The following SMAD2 variants were observed in gnomAD, a reference collection of about 807,000 sequenced individuals.
SMAD2 encodes MAD homolog 2.
SMAD2 carries 8 observed loss-of-function variants against 64.4 expected under a neutral mutation model. That is an observed-to-expected ratio of 0.12 (90% confidence interval 0.07 to 0.22). The LOEUF (loss-of-function observed/expected upper bound fraction) is 0.22. Ranked by LOEUF, SMAD2 falls within the 10% of genes least tolerant of loss-of-function variation. SMAD2 has a pLI of 1.00. For synonymous variants in SMAD2, 203 were observed against 195.8 expected (o/e 1.04, Z -0.31); for missense variants, 289 against 561.2 (o/e 0.51, Z 4.90).
chr18:47,812,148 G>A lies in SMAD2; in HGVS notation c.*29679C>T, dbSNP rs1259993979. 1 of 152,136 alleles carries A rather than the reference G, an allele frequency of 6.6e-6. No homozygotes were observed. Among genetic ancestry groups the A allele is most frequent in the African/African-American group, 2.4e-5 (1 of 41,420 alleles). The allele number at this position is 152,136 out of a possible 1,614,324, so 9.4% of individuals were successfully genotyped here. ...TCCCATAATTCCCCATATTATGTGA[G>A]GGACCCAGTGAGAGGTAACTGAATC... On this transcript the variant is annotated 3_prime_UTR_variant, in exon 11 of 11. Coordinates refer to ENST00000262160, the MANE Select transcript of SMAD2 (RefSeq NM_005901.6).
At position 47,826,681 on chromosome 18, in the gene SMAD2, T is replaced by C. The variant is rs1166777287; in HGVS notation, c.*15146A>G. 6.6e-6 allele frequency: 1 copy of C among 152,246 alleles called. No individual in the cohort carries two copies. Among genetic ancestry groups the C allele is most frequent in the East Asian group, 1.9e-4 (1 of 5,204 alleles). 9.4% of individuals were successfully genotyped at this position (152,246 alleles called of 1,614,324 possible). A position where few individuals can be genotyped will look rare whatever the true frequency, so the allele number is the denominator to read the frequency against. ...GTTTATTGCTGCACACCACTGGGTT[T>C]TTGTGGTTGCTACGAGTTACTTTTG... On this transcript the variant is annotated 3_prime_UTR_variant, in exon 11 of 11. Transcript: ENST00000262160.
At position 47,917,514 on chromosome 18, in the gene SMAD2, T is replaced by TA. The variant is rs528999385; in HGVS notation, c.-54+12846dup. 3.4e-3 allele frequency among the ~76,000 whole-genome samples: 516 copies of TA among 152,328 alleles called. 1 individual carries two copies. The highest frequency in any genetic ancestry group is 0.014 in the Middle Eastern group (4 of 294). On this transcript the variant is annotated intron_variant, in intron 1 of 10. Coordinates refer to ENST00000262160, the MANE Select transcript of SMAD2 (RefSeq NM_005901.6). Reference sequence around the variant, plus strand: ...TACCATCTTATTTTGTGTTTTCTAATACCTATGCATTTTTCTTTTCTTTTT... The same window carrying TA: ...TACCATCTTATTTTGTGTTTTCTAATAACCTATGCATTTTTCTTTTCTTTTT...
intron 3 of SMAD2, among the ~76,000 whole-genome samples, chr18:47,870,213 T>C (rs2031850755): frequency 6.6e-6 from 1 of 152,132 alleles, no homozygotes; most frequent in Non-Finnish European, 1.5e-5. Flanking sequence ...CTAAAATAAA[T>C]ATATAGTTAT....
intron 6 of SMAD2, among the ~76,000 whole-genome samples, chr18:47,854,529 TTC>T (rs1342940949): frequency 6.6e-6 from 1 of 152,316 alleles, no homozygotes; most frequent in Admixed American, 6.5e-5. Flanking sequence ...AACAGTGTAT[TTC>T]TGTTCTTTTA....
rs1444247419 is a variant in SMAD2, at chr18:47,822,718, T to C, written c.*19109A>G. ...TTTTTGAGACGGAGTCTCGCTCTGT[T>C]GCCCCAGCTGGAATGCAGTGGCACG... On this transcript the variant is annotated 3_prime_UTR_variant, in exon 11 of 11. Transcript: ENST00000262160. The C allele has an allele frequency of 2.6e-5, 4 of 152,258 alleles. No individual in the cohort carries two copies. The highest frequency in any genetic ancestry group is 9.6e-5 in the African/African-American group (4 of 41,478). The allele number at this position is 152,258 out of a possible 1,614,324, so 9.4% of individuals were successfully genotyped here. A position where few individuals can be genotyped will look rare whatever the true frequency, so the allele number is the denominator to read the frequency against.
intron 2 of SMAD2, among the ~76,000 whole-genome samples, chr18:47,882,135 G>A (rs1483297376): frequency 2.9e-5 from 4 of 138,508 alleles, no homozygotes; most frequent in Admixed American, 8.0e-5. Flanking sequence ...ATCCTACTGC[G>A]TTGGCCTCCC....
chr18:47,863,054 T>C (rs1014587488), intron 6 of SMAD2, among the ~76,000 whole-genome samples: 4 of 152,222 alleles, frequency 2.6e-5, no homozygotes, highest in Admixed American at 2.0e-4. Flanking sequence ...TAATTTATCC[T>C]CTGGTTGCCC....
intron 1 of SMAD2, among the ~76,000 whole-genome samples, chr18:47,909,509 T>A (rs569494507): frequency 7.2e-5 from 11 of 152,224 alleles, no homozygotes; most frequent in African/African-American, 2.6e-4. Context: ...GGGAAAAAAC[T>A]GCCACAAAGG....
chr18:47,879,495 C>CATGTGT, intron 2 of SMAD2, among the ~76,000 whole-genome samples: 1 of 141,444 alleles, frequency 7.1e-6, no homozygotes, highest in Non-Finnish European at 1.5e-5. Context: ...ATGTATATGA[C>CATGTGT]GTGTGTGTGT....
Position 47,820,781 on chromosome 18 carries a change from A to T in SMAD2, c.*21046T>A, listed in dbSNP as rs879884818. 6.6e-6 allele frequency: 1 copy of T among 152,180 alleles called. No homozygotes were observed. Among genetic ancestry groups the T allele is most frequent in the Non-Finnish European group, 1.5e-5 (1 of 68,032 alleles). 9.4% of individuals were successfully genotyped at this position (152,180 alleles called of 1,614,324 possible). On this transcript the variant is annotated 3_prime_UTR_variant, in exon 11 of 11. Transcript: ENST00000262160. The stretch of plus-strand genomic sequence containing the variant: ...CAATAGGTCAGAATGAAATCATAAG[A>T]CATTGAGCTTACATATATACTTGTA...
intron 1 of SMAD2, 33 bp downstream of exon 1, chr18:47,930,328 C>T (rs542973972): frequency 6.6e-6 from 1 of 152,532 alleles, no homozygotes; most frequent in Non-Finnish European, 1.5e-5. Flanking sequence ...AAACACTTCC[C>T]TAGCTGGAGG....
chr18:47,860,297 A>G (rs1477752787), intron 6 of SMAD2, among the ~76,000 whole-genome samples: 1 of 152,112 alleles, frequency 6.6e-6, no homozygotes, highest in Non-Finnish European at 1.5e-5. Context: ...TTTTGAATAC[A>G]AGGTCTCGCT....
chr18:47,856,008 T>TAC, intron 6 of SMAD2, among the ~76,000 whole-genome samples: 1 of 152,252 alleles, frequency 6.6e-6, no homozygotes, highest in South Asian at 2.1e-4. Flanking sequence ...TGGAGGGTTA[T>TAC]ACACACAATT....
chr18:47,924,248 C>CAAA lies in SMAD2; in HGVS notation c.-54+6110_-54+6112dup, dbSNP rs201933597. On this transcript the variant is annotated intron_variant, in intron 1 of 10. Transcript: ENST00000262160. The stretch of plus-strand genomic sequence containing the variant: ...GGGCAACAGGAGCAAAACTCCGTCT[C>CAAA]AAAAAAAAAAAAAAAAAGAATTTTA... Among the ~76,000 whole-genome samples, 559 of 99,668 alleles carry CAAA rather than the reference C, an allele frequency of 5.6e-3. 6 individuals are homozygous for CAAA. Among genetic ancestry groups the CAAA allele is most frequent in the African/African-American group, 0.019 (481 of 25,272 alleles). 65.4% of individuals were successfully genotyped at this position (99,668 alleles called of 152,430 possible).
chr18:47,867,616 G>C (rs1410417713), intron 5 of SMAD2, among the ~76,000 whole-genome samples: 2 of 146,954 alleles, frequency 1.4e-5, no homozygotes, highest in African/African-American at 5.0e-5. Flanking sequence ...CAAACAAAAA[G>C]GAAAACATAC....
At chr18:47,846,422 G>C (rs1914494468) in intron 8 of SMAD2, among the ~76,000 whole-genome samples, 1 of 152,114 alleles carries the variant, frequency 6.6e-6, no homozygotes, top group Non-Finnish European at 1.5e-5. Context: ...TGACACCTAA[G>C]AGTCTCAGCC....
chr18:47,910,858 A>C (rs998960417), intron 1 of SMAD2, among the ~76,000 whole-genome samples: 2 of 152,142 alleles, frequency 1.3e-5, no homozygotes, highest in Non-Finnish European at 2.9e-5. Flanking sequence ...GTTTTAGGAG[A>C]GTCAAAAGTT....
At chr18:47,859,737 G>A (rs2144346483) in intron 6 of SMAD2, among the ~76,000 whole-genome samples, 1 of 152,112 alleles carries the variant, frequency 6.6e-6, no homozygotes, top group Non-Finnish European at 1.5e-5. Flanking sequence ...CAGATTAAAT[G>A]AAAAGTAAGC....
Position 47,810,058 on chromosome 18 carries a change from G to A in SMAD2, c.*31769C>T, listed in dbSNP as rs982280092. ...ATACTCTTTCAGACATGAAGTCAGAGGGCTTCTGCCATCCTGCCTGCCTAG... is the reference window on the plus strand; with the variant it reads ...ATACTCTTTCAGACATGAAGTCAGAAGGCTTCTGCCATCCTGCCTGCCTAG... On this transcript the variant is annotated 3_prime_UTR_variant, in exon 11 of 11. Coordinates refer to ENST00000262160, the MANE Select transcript of SMAD2 (RefSeq NM_005901.6). 7 of 152,262 alleles carry A rather than the reference G, an allele frequency of 4.6e-5. No homozygotes were observed. The East Asian group carries it at 1.4e-3, about 29-fold the overall frequency. The allele number at this position is 152,262 out of a possible 1,614,324, so 9.4% of individuals were successfully genotyped here.
Sources: allele counts gnomAD v4.1 joint callset (sites outside exome capture counted in the v4.1 genomes callset), GRCh38; gene constraint gnomAD v4.1.1; transcripts MANE v1.5; gene names NCBI Gene and HGNC (gene_info 2026-07-23, HGNC 2026-07-21).